The following DAPP1 variants were observed in gnomAD, a reference collection of about 807,000 sequenced individuals.
DAPP1 encodes the protein dual adapter for phosphotyrosine and 3-phosphotyrosine and 3-phosphoinositide.
DAPP1 carries 20 observed loss-of-function variants against 41.5 expected under a neutral mutation model. The ratio of observed to expected loss-of-function variants is 0.48; its 90% confidence interval spans 0.34 to 0.70. The LOEUF is 0.70. Among genes scored for constraint, DAPP1 ranks in the 30% least tolerant of loss-of-function variants. The pLI is 0.01. For synonymous variants in DAPP1, 113 were observed against 116.2 expected (o/e 0.97, Z 0.18); for missense variants, 233 against 333.4 (o/e 0.70, Z 2.35).
intron 4 of DAPP1, among the ~76,000 whole-genome samples, chr4:99,858,754 A>C (rs751216748): frequency 6.6e-6 from 1 of 152,190 alleles, no homozygotes; most frequent in Non-Finnish European, 1.5e-5. Context: ...TTTATTCTTC[A>C]AAATTTTCAA....
At chr4:99,852,256 T>C (rs567584625) in intron 3 of DAPP1, among the ~76,000 whole-genome samples, 1 of 152,330 alleles carries the variant, frequency 6.6e-6, no homozygotes, top group Non-Finnish European at 1.5e-5. Flanking sequence ...TGCTGAATTC[T>C]TTACATCTCT....
At chr4:99,821,334 C>A (rs1722768406) in intron 1 of DAPP1, among the ~76,000 whole-genome samples, 1 of 152,220 alleles carries the variant, frequency 6.6e-6, no homozygotes, top group Non-Finnish European at 1.5e-5. Context: ...AGTATACGAT[C>A]CAGGTCACAG....
At chr4:99,848,546 A>G (rs910811781) in intron 3 of DAPP1, among the ~76,000 whole-genome samples, 6 of 152,124 alleles carry the variant, frequency 3.9e-5, no homozygotes, top group Non-Finnish European at 7.4e-5. Context: ...AGAATTTTTT[A>G]AAAGGATATT....
intron 1 of DAPP1, among the ~76,000 whole-genome samples, chr4:99,823,455 G>A (rs1161634250): frequency 1.3e-5 from 2 of 152,114 alleles, no homozygotes; most frequent in Non-Finnish European, 2.9e-5. Flanking sequence ...TTTAAGAAAT[G>A]TTTTTCTGTA....
At chr4:99,867,113 A>C (rs899875987) in intron 8 of DAPP1, among the ~76,000 whole-genome samples, 2 of 152,028 alleles carry the variant, frequency 1.3e-5, no homozygotes, top group African/African-American at 4.8e-5. Context: ...TTTTTTGCAA[A>C]ATTGTCTGAT....
intron 3 of DAPP1, chr4:99,844,009 C>T (rs1336706240): frequency 6.6e-6 from 1 of 152,166 alleles, no homozygotes; most frequent in Non-Finnish European, 1.5e-5. Flanking sequence ...CATGTATGCT[C>T]AGTGATGATT....
Position 99,861,590 on chromosome 4 carries a change from G to A in DAPP1, c.502G>A (p.Glu168Lys). The stretch of plus-strand genomic sequence containing the variant: ...TTTTCTTTTTCAGCTGGGCACCAAA[G>A]AAGGTTACCTCACCAAACAGGGAGG... ...VPTAPSLGTK[E>K]GYLTKQGGLV... The change falls in exon 5 of 9, where the codon GAA (glutamate) becomes AAA (lysine). Residue 168 changes from glutamate to lysine, a missense_variant. Physicochemically the swap from Glu to Lys is moderately conservative, Grantham distance 56. Transcript: ENST00000512369. 1 of 1,573,966 alleles carries A rather than the reference G, an allele frequency of 6.4e-7. No homozygotes were observed. The highest frequency in any genetic ancestry group is 1.2e-5 in the South Asian group (1 of 85,588).
intron 3 of DAPP1, among the ~76,000 whole-genome samples, chr4:99,841,860 G>C (rs1363166648): frequency 6.6e-6 from 1 of 152,210 alleles, no homozygotes; most frequent in Non-Finnish European, 1.5e-5. Context: ...AAAGCCACTA[G>C]AGTTGTCATT....
intron 4 of DAPP1, among the ~76,000 whole-genome samples, chr4:99,857,701 T>TACACACAC (rs140943788): frequency 1.7e-3 from 242 of 143,108 alleles, no homozygotes; most frequent in African/African-American, 5.2e-3. Context: ...TGTATGTATA[T>TACACACAC]ACACACACAC....
intron 5 of DAPP1, among the ~76,000 whole-genome samples, chr4:99,862,691 T>C (rs1724280221): frequency 6.6e-6 from 1 of 152,118 alleles, no homozygotes; most frequent in African/African-American, 2.4e-5. Context: ...TCTTTTTGTA[T>C]TTAAAAATAT....
rs573013813 is a variant in DAPP1, at chr4:99,832,462, T to A, written c.102-3161T>A. Among the ~76,000 whole-genome samples the A allele has an allele frequency of 2.0e-5, 3 of 152,342 alleles. No homozygotes were observed. The East Asian group carries it at 5.8e-4, about 29-fold the overall frequency. On this transcript the variant is annotated intron_variant, in intron 1 of 8. Transcript: ENST00000512369. Reference sequence around the variant, plus strand: ...TTTTGTGGAAAAGCTATTTGGGGAATGAGGATCCTTATTGCACCACTGACA... The same window carrying A: ...TTTTGTGGAAAAGCTATTTGGGGAAAGAGGATCCTTATTGCACCACTGACA...
chr4:99,868,469 G>A lies in DAPP1; in HGVS notation c.*284G>A, dbSNP rs1724538873. The A allele has an allele frequency of 2.8e-6, 1 of 363,382 alleles. No individual in the cohort carries two copies. Among genetic ancestry groups the A allele is most frequent in the Non-Finnish European group, 5.1e-6 (1 of 195,752 alleles). 22.5% of individuals were successfully genotyped at this position (363,382 alleles called of 1,614,324 possible). ...CTCACTCTTAGAACACACAATGGAA[G>A]AGGAAGGGTTTTTGTTTTCACTCAT... On this transcript the variant is annotated 3_prime_UTR_variant, in exon 9 of 9. Coordinates refer to ENST00000512369, the MANE Select transcript of DAPP1 (RefSeq NM_014395.3).
At chr4:99,848,230 A>AT (rs57214417) in intron 3 of DAPP1, among the ~76,000 whole-genome samples, 39,155 of 139,804 alleles carry the variant, frequency 0.28, 5,832 homozygotes, top group African/African-American at 0.4. Flanking sequence ...CAGGAGCAGA[A>AT]TTTTTTTTTT....
intron 1 of DAPP1, among the ~76,000 whole-genome samples, chr4:99,831,362 G>A (rs1422932139): frequency 6.6e-6 from 1 of 152,142 alleles, no homozygotes; most frequent in Non-Finnish European, 1.5e-5. Flanking sequence ...AGGATGTTAA[G>A]CATCCCTGGC....
chr4:99,859,938 C>T (rs1160239392), intron 4 of DAPP1, among the ~76,000 whole-genome samples: 1 of 152,174 alleles, frequency 6.6e-6, no homozygotes, highest in Non-Finnish European at 1.5e-5. Flanking sequence ...TACTAAGGTG[C>T]TTGAAAGCCC....
At chr4:99,829,081 A>C (rs1278296713) in intron 1 of DAPP1, among the ~76,000 whole-genome samples, 1 of 152,200 alleles carries the variant, frequency 6.6e-6, no homozygotes, top group Non-Finnish European at 1.5e-5. Flanking sequence ...TAGCATATCC[A>C]TAATACATTG....
chr4:99,836,061 A>G (rs950172008), intron 2 of DAPP1, among the ~76,000 whole-genome samples: 1 of 152,220 alleles, frequency 6.6e-6, no homozygotes, highest in African/African-American at 2.4e-5. Context: ...ACAGTGCCAG[A>G]ATCCAAATTC....
At chr4:99,863,641 C>T in intron 6 of DAPP1, 129 bp from the exon 7 acceptor site, 1 of 671,384 alleles carries the variant, frequency 1.5e-6, no homozygotes, top group Middle Eastern at 2.5e-4. Context: ...ATTGTCAGTC[C>T]TGTTAGTGAA....
intron 1 of DAPP1, among the ~76,000 whole-genome samples, chr4:99,829,658 T>C (rs1208872740): frequency 6.6e-6 from 1 of 152,164 alleles, no homozygotes; most frequent in Non-Finnish European, 1.5e-5. Flanking sequence ...TCACCAACAA[T>C]TATAAAAACT....
Sources: gnomAD v4.1 joint callset for allele counts (sites outside exome capture counted in the v4.1 genomes callset) on GRCh38, gnomAD v4.1.1 for gene constraint, MANE v1.5 for transcripts, NCBI Gene and HGNC (gene_info 2026-07-23, HGNC 2026-07-21) for gene names.